ZFAND6: variants seen among roughly 807,000 people sequenced by gnomAD.
ZFAND6 encodes AN1-type zinc finger protein 6.
Under a neutral mutation model 24.5 loss-of-function variants are expected in ZFAND6, and 12 were observed. The ratio of observed to expected loss-of-function variants is 0.49; its 90% confidence interval spans 0.31 to 0.79. ZFAND6 has a LOEUF of 0.79. Ranked by LOEUF, ZFAND6 falls within the 30% of genes least tolerant of loss-of-function variation. ZFAND6 has a pLI of 0.04. For missense variants in ZFAND6, 207 were observed against 245.9 expected (o/e 0.84, Z 1.06); for synonymous variants, 92 against 81.5 (o/e 1.13, Z -0.69).
intron 1 of ZFAND6, among the ~76,000 whole-genome samples, chr15:80,092,114 A>G (rs2038413408): frequency 1.3e-5 from 2 of 152,138 alleles, no homozygotes; most frequent in African/African-American, 4.8e-5. Flanking sequence ...GATAGTATTT[A>G]TCTGCAAAAC....
intron 1 of ZFAND6, chr15:80,075,255 C>A: frequency 4.8e-6 from 1 of 206,484 alleles, no homozygotes; most frequent in Non-Finnish European, 1.0e-5. Context: ...AATTTGACAA[C>A]ATGTAATTTG....
intron 2 of ZFAND6, among the ~76,000 whole-genome samples, chr15:80,105,788 A>G (rs887855117): frequency 1.3e-5 from 2 of 152,308 alleles, no homozygotes; most frequent in African/African-American, 4.8e-5. Context: ...ACTTCCTTTC[A>G]TGATGCATTT....
At chr15:80,107,483 A>G (rs147019690) in intron 2 of ZFAND6, among the ~76,000 whole-genome samples, 42 of 152,320 alleles carry the variant, frequency 2.8e-4, no homozygotes, top group Admixed American at 5.9e-4. Context: ...TACACTGCCA[A>G]TGCAAATGTC....
At chr15:80,091,611 T>C (rs1319234746) in intron 1 of ZFAND6, among the ~76,000 whole-genome samples, 1 of 150,564 alleles carries the variant, frequency 6.6e-6, no homozygotes, top group African/African-American at 2.4e-5. Context: ...TAATAACAGA[T>C]ACAAATTTTT....
At chr15:80,076,298 T>C (rs913919818) in intron 1 of ZFAND6, among the ~76,000 whole-genome samples, 3 of 152,146 alleles carry the variant, frequency 2.0e-5, no homozygotes, top group Admixed American at 6.5e-5. Context: ...AGCCAGAATC[T>C]GATTGTCATT....
intron 1 of ZFAND6, among the ~76,000 whole-genome samples, chr15:80,070,156 A>G (rs1401062524): frequency 6.6e-6 from 1 of 152,182 alleles, no homozygotes; most frequent in Non-Finnish European, 1.5e-5. Flanking sequence ...AGTTGTTCCT[A>G]ATAGTCTAGA....
intron 2 of ZFAND6, among the ~76,000 whole-genome samples, chr15:80,099,618 C>CTTTCTTTTT (rs71455304): frequency 9.2e-5 from 10 of 109,194 alleles, no homozygotes; most frequent in African/African-American, 3.3e-4. Context: ...TATGGATATC[C>CTTTCTTTTT]TTTTTTTTTT....
intron 1 of ZFAND6, among the ~76,000 whole-genome samples, chr15:80,061,472 T>C (rs2036329749): frequency 6.6e-6 from 1 of 152,224 alleles, no homozygotes; most frequent in African/African-American, 2.4e-5. Context: ...ACTGGAACAT[T>C]ACTAAAACTT....
chr15:80,122,034 G>C (rs1262578204), intron 4 of ZFAND6, among the ~76,000 whole-genome samples: 2 of 151,954 alleles, frequency 1.3e-5, no homozygotes, highest in African/African-American at 4.8e-5. Flanking sequence ...TCTTTTTCAG[G>C]CATCTTTTTC....
At chr15:80,084,096 T>A (rs1332837558) in intron 1 of ZFAND6, among the ~76,000 whole-genome samples, 3 of 152,224 alleles carry the variant, frequency 2.0e-5, no homozygotes, top group African/African-American at 4.8e-5. Context: ...AATCCAGGCC[T>A]TGTCTCAGTA....
chr15:80,111,616 T>C (rs960957429), intron 2 of ZFAND6: 28 of 385,920 alleles, frequency 7.3e-5, no homozygotes, highest in African/African-American at 5.7e-4. Context: ...TATATAGTGA[T>C]ATATTGCTAT....
intron 1 of ZFAND6, among the ~76,000 whole-genome samples, chr15:80,079,183 T>C (rs1184054960): frequency 6.6e-6 from 1 of 152,196 alleles, no homozygotes; most frequent in Non-Finnish European, 1.5e-5. Flanking sequence ...TTGTGAGTAT[T>C]TTCTCCTATT....
chr15:80,059,390 C>G (rs1008713874), upstream of ZFAND6, among the ~76,000 whole-genome samples: 15 of 152,354 alleles, frequency 9.8e-5, no homozygotes, highest in Middle Eastern at 3.4e-3. Flanking sequence ...GAAACCGCGG[C>G]GGGAAGCGCC....
Position 80,059,899 on chromosome 15 carries a change from G to T in ZFAND6, c.-181+90G>T, listed in dbSNP as rs1376244169. 2.0e-5 allele frequency: 3 copies of T among 151,080 alleles called. No individual in the cohort carries two copies. In the East Asian group the frequency reaches 5.8e-4, roughly 29 times the overall value. 9.4% of individuals were successfully genotyped at this position (151,080 alleles called of 1,614,324 possible). A position where few individuals can be genotyped will look rare whatever the true frequency, so the allele number is the denominator to read the frequency against. ...CCCCACCCGGCTGCAGCTAGGCGAG[G>T]CCCGCCCCCGGCCCCTCCCGGCGCC... is the stretch of plus-strand genomic sequence containing the variant. On this transcript the variant is annotated intron_variant, in intron 1 of 6. Coordinates refer to ENST00000261749, the MANE Select transcript of ZFAND6 (RefSeq NM_019006.4).
At position 80,131,228 on chromosome 15, in the gene ZFAND6, C is replaced by A. The variant is rs757775872; in HGVS notation, c.413C>A (p.Ser138Tyr). 35 of 1,612,608 alleles carry A rather than the reference C, an allele frequency of 2.2e-5. No individual in the cohort carries two copies. In the East Asian group the frequency reaches 7.8e-4, roughly 36 times the overall value. ...AQQPSEEQSK[S>Y]LEKPKQKKNR... ...CAGCCATCTGAAGAGCAAAGCAAGT[C>A]TCTTGAAAAACCGAAACAAAAAAAG... is the stretch of plus-strand genomic sequence containing the variant. The change falls in exon 6 of 7, where the codon TCT becomes TAT. Residue 138 changes from serine to tyrosine, a missense_variant. This residue lies in a region of ZFAND6 where 133 missense variants were observed against 122.8 expected (regional missense o/e 1.08). Transcript: ENST00000261749.
At chr15:80,127,487 C>T (rs2040415877) in intron 5 of ZFAND6, among the ~76,000 whole-genome samples, 1 of 149,740 alleles carries the variant, frequency 6.7e-6, no homozygotes, top group South Asian at 2.1e-4. Context: ...ACTCGTGAGG[C>T]TGAGGCAGAG....
intron 1 of ZFAND6, among the ~76,000 whole-genome samples, chr15:80,087,999 C>T (rs2038107330): frequency 6.6e-6 from 1 of 151,998 alleles, no homozygotes; most frequent in African/African-American, 2.4e-5. Context: ...TATATATTTC[C>T]ATAGAGCAAG....
chr15:80,104,210 A>G (rs537374377), intron 2 of ZFAND6, among the ~76,000 whole-genome samples: 4 of 152,306 alleles, frequency 2.6e-5, no homozygotes, highest in South Asian at 2.1e-4. Flanking sequence ...CCATGAGACT[A>G]TTGATTTATA....
intron 1 of ZFAND6, among the ~76,000 whole-genome samples, chr15:80,083,219 C>T (rs1319208297): frequency 6.6e-6 from 1 of 152,166 alleles, no homozygotes; most frequent in Non-Finnish European, 1.5e-5. Context: ...TCTCAATCTC[C>T]TGACCTCGTG....
Sources: gnomAD v4.1 joint callset for allele counts (sites outside exome capture counted in the v4.1 genomes callset) on GRCh38, gnomAD v4.1.1 for gene constraint, gnomAD v4.1.1 regional missense constraint, MANE v1.5 for transcripts, NCBI Gene and HGNC (gene_info 2026-07-23, HGNC 2026-07-21) for gene names.